Variants in BABAM2 observed in about 807,000 individuals in gnomAD.
BABAM2 encodes the protein BRISC and BRCA1-A complex member 2.
A neutral mutation model predicts 54.7 loss-of-function variants in BABAM2; 31 were observed. The ratio of observed to expected loss-of-function variants is 0.57; its 90% CI spans 0.43 to 0.77. The LOEUF is 0.77. Among genes scored for constraint, BABAM2 ranks in the 30% least tolerant of loss-of-function variants. BABAM2 has a pLI of 0.00. For synonymous variants in BABAM2, 167 were observed against 162.9 expected (o/e 1.03, Z -0.19); for missense variants, 364 against 455.8 (o/e 0.80, Z 1.83).
chr2:28,251,526 A>C (rs531455141), intron 10 of BABAM2, among the ~76,000 whole-genome samples: 18 of 152,368 alleles, frequency 1.2e-4, no homozygotes, highest in African/African-American at 4.1e-4. Context: ...AAGCTGTCGT[A>C]GTAGCAGCCA....
chr2:28,198,288 C>T (rs1265944657), intron 7 of BABAM2, among the ~76,000 whole-genome samples: 5 of 151,892 alleles, frequency 3.3e-5, no homozygotes, highest in East Asian at 1.9e-4. Context: ...CTCAGCCTCC[C>T]GAGTAGCTGA....
chr2:28,200,271 CA>C (rs1303160227), intron 7 of BABAM2, among the ~76,000 whole-genome samples: 2 of 152,228 alleles, frequency 1.3e-5, no homozygotes, highest in Non-Finnish European at 2.9e-5. Flanking sequence ...CACTGATCAT[CA>C]TTCACCATTT....
intron 4 of BABAM2, chr2:28,015,810 T>C (rs1265148343): frequency 9.0e-6 from 9 of 1,003,190 alleles, no homozygotes; most frequent in Non-Finnish European, 1.2e-5. Flanking sequence ...TTTCTCATGC[T>C]TCTTTTTCTG....
intron 6 of BABAM2, among the ~76,000 whole-genome samples, chr2:28,113,582 G>A (rs980612482): frequency 2.0e-5 from 3 of 152,114 alleles, no homozygotes; most frequent in Admixed American, 6.5e-5. Flanking sequence ...GTCAGGTAGC[G>A]TGATGCCTCC....
chr2:28,036,977 A>G (rs973300076), intron 5 of BABAM2, among the ~76,000 whole-genome samples: 1 of 152,202 alleles, frequency 6.6e-6, no homozygotes, highest in Non-Finnish European at 1.5e-5. Context: ...TTGGCACAGT[A>G]TGTGCTCAGT....
intron 11 of BABAM2, chr2:28,308,481 C>A: frequency 1.9e-6 from 1 of 528,900 alleles, no homozygotes; most frequent in South Asian, 1.4e-5. Flanking sequence ...CAACAAGCAC[C>A]AGATCAAACA....
intron 6 of BABAM2, among the ~76,000 whole-genome samples, chr2:28,060,424 TTCTC>T (rs778010115): frequency 6.6e-6 from 1 of 152,138 alleles, no homozygotes; most frequent in Non-Finnish European, 1.5e-5. Context: ...ACCAAATACT[TTCTC>T]TCTAAGATTA....
intron 3 of BABAM2, among the ~76,000 whole-genome samples, chr2:27,969,026 C>T (rs1465540820): frequency 6.6e-6 from 1 of 152,092 alleles, no homozygotes; most frequent in Non-Finnish European, 1.5e-5. Context: ...GTGGGAGGTA[C>T]ACAGTGGGAG....
chr2:28,025,765 C>G, intron 5 of BABAM2, among the ~76,000 whole-genome samples: 1 of 152,150 alleles, frequency 6.6e-6, no homozygotes, highest in African/African-American at 2.4e-5. Context: ...CAAGTTTCCC[C>G]CTCCTTTGAG....
chr2:28,032,455 C>T (rs1461810987), intron 5 of BABAM2, among the ~76,000 whole-genome samples: 1 of 152,084 alleles, frequency 6.6e-6, no homozygotes, highest in African/African-American at 2.4e-5. Flanking sequence ...CCCCCTGAAC[C>T]TCCATTTAGA....
chr2:27,989,859 T>C (rs908904210), intron 4 of BABAM2, among the ~76,000 whole-genome samples: 1 of 152,206 alleles, frequency 6.6e-6, no homozygotes. Flanking sequence ...GCAAGTATTG[T>C]GTAAGTGTAG....
chr2:28,261,423 G>A (rs1478144443), intron 10 of BABAM2, among the ~76,000 whole-genome samples: 2 of 150,840 alleles, frequency 1.3e-5, no homozygotes, highest in Non-Finnish European at 1.5e-5. Flanking sequence ...TCCACCTCCC[G>A]GGTTCATGGC....
At chr2:27,964,017 C>G (rs1237526921) in intron 3 of BABAM2, among the ~76,000 whole-genome samples, 1 of 152,160 alleles carries the variant, frequency 6.6e-6, no homozygotes, top group African/African-American at 2.4e-5. Flanking sequence ...GAGGCTTTGT[C>G]TTCAATGTAG....
At chr2:28,123,295 C>G (rs545858413) in intron 6 of BABAM2, among the ~76,000 whole-genome samples, 44 of 152,292 alleles carry the variant, frequency 2.9e-4, no homozygotes, top group African/African-American at 1.0e-3. Flanking sequence ...TGTTACATCT[C>G]ACCAGAATAT....
chr2:27,942,423 C>T (rs185826749), intron 3 of BABAM2, among the ~76,000 whole-genome samples: 25 of 152,114 alleles, frequency 1.6e-4, no homozygotes, highest in Admixed American at 5.2e-4. Flanking sequence ...CACAGTGGCG[C>T]GATCACAACT....
At chr2:28,187,094 C>T (rs911536826) in intron 7 of BABAM2, among the ~76,000 whole-genome samples, 7 of 152,126 alleles carry the variant, frequency 4.6e-5, no homozygotes, top group Non-Finnish European at 1.0e-4. Flanking sequence ...CGTGAGCCAC[C>T]GCGCCCAGCC....
At chr2:28,070,977 T>C (rs1385332969) in intron 6 of BABAM2, among the ~76,000 whole-genome samples, 1 of 152,124 alleles carries the variant, frequency 6.6e-6, no homozygotes, top group Admixed American at 6.5e-5. Flanking sequence ...TGTGTAACCT[T>C]GGCAAGTTAC....
At chr2:28,156,973 T>C (rs1470066627) in intron 7 of BABAM2, among the ~76,000 whole-genome samples, 1 of 152,252 alleles carries the variant, frequency 6.6e-6, no homozygotes, top group Non-Finnish European at 1.5e-5. Flanking sequence ...TTAAAGTGAA[T>C]TACATATTTC....
chr2:27,920,729 G>T (rs1573170118), intron 2 of BABAM2, among the ~76,000 whole-genome samples: 5 of 152,176 alleles, frequency 3.3e-5, no homozygotes, highest in Admixed American at 3.3e-4. Flanking sequence ...TAATAGTCAG[G>T]GTAAAGGAAA....
Sources: gnomAD v4.1 joint callset for allele counts (sites outside exome capture counted in the v4.1 genomes callset) on GRCh38, gnomAD v4.1.1 for gene constraint, MANE v1.5 for transcripts, NCBI Gene and HGNC (gene_info 2026-07-23, HGNC 2026-07-21) for gene names.